XPO6: variants seen among roughly 807,000 people sequenced by gnomAD.
XPO6 encodes the protein exportin 6, also known as exportin-6.
XPO6 carries 3 observed loss-of-function variants against 130.0 expected under a neutral mutation model. The observed-to-expected ratio is 0.02, with a 90% CI of 0.01 to 0.06. XPO6 has a LOEUF of 0.06. Among genes scored for constraint, XPO6 ranks in the 10% least tolerant of loss-of-function variants. XPO6 has a pLI of 1.00. For synonymous variants in XPO6, 524 were observed against 548.9 expected (o/e 0.95, Z 0.63); for missense variants, 970 against 1,393.0 (o/e 0.70, Z 4.83).
At chr16:28,195,571 G>T (rs1004410473) in intron 1 of XPO6, among the ~76,000 whole-genome samples, 1 of 152,104 alleles carries the variant, frequency 6.6e-6, no homozygotes, top group African/African-American at 2.4e-5. Flanking sequence ...TGGTCAACAT[G>T]GTGAAACCTC....
In XPO6 at chr16:28,107,634, A is replaced by G. The variant is rs756783944; in HGVS notation, c.2385T>C (p.Ile795=). 6.2e-7 allele frequency: 1 copy of G among 1,614,196 alleles called. No individual in the cohort carries two copies. The highest frequency in any genetic ancestry group is 8.5e-7 in the Non-Finnish European group (1 of 1,180,030). The change falls in exon 18 of 24, where the codon ATT becomes ATC. Residue 795 remains isoleucine (I), a synonymous_variant. Coordinates refer to ENST00000304658, the MANE Select transcript of XPO6 (RefSeq NM_015171.4). ...TGGACTCCCCCGAGATATTCTCCAC[A>G]ATATCTTCTAAGACGCTGAGTGTCT... ...IHQTLSVLED[I]VENISGESTK... is the part of the protein sequence containing the mutation.
intron 14 of XPO6, 77 bp from the exon 15 acceptor site, chr16:28,117,539 G>A: frequency 2.0e-6 from 3 of 1,524,184 alleles, no homozygotes; most frequent in Non-Finnish European, 2.7e-6. Context: ...TTCATAGGAG[G>A]TAAGAATTGC....
Position 28,101,101 on chromosome 16 carries a change from G to A in XPO6, c.3276+357C>T, listed in dbSNP as rs143780772. On this transcript the variant is annotated intron_variant, in intron 23 of 23. Transcript: ENST00000304658. This position sits in a 1 kb window ranked among gnomAD's most constrained non-coding sequence, Gnocchi z 5.4. ...ACCATCTCAGCCTGAATGCAAGCCTGGGCACACTCCAATGCTGGCCCCACC... is the reference window on the plus strand; with the variant it reads ...ACCATCTCAGCCTGAATGCAAGCCTAGGCACACTCCAATGCTGGCCCCACC... The A allele has an allele frequency of 5.4e-6, 2 of 369,272 alleles. No individual in the cohort carries two copies. The highest frequency in any genetic ancestry group is 1.0e-5 in the Non-Finnish European group (2 of 191,384). The allele number at this position is 369,272 out of a possible 1,614,324, so 22.9% of individuals were successfully genotyped here. A position where few individuals can be genotyped will look rare whatever the true frequency, so the allele number is the denominator to read the frequency against.
chr16:28,109,071 G>A (rs776225980), intron 17 of XPO6, among the ~76,000 whole-genome samples: 4 of 152,130 alleles, frequency 2.6e-5, no homozygotes, highest in Admixed American at 1.3e-4. Flanking sequence ...CCTCAAGAAC[G>A]CACAGGCAAC....
intron 8 of XPO6, 28 bp from the exon 9 acceptor site, chr16:28,146,231 G>A: frequency 6.7e-7 from 1 of 1,484,352 alleles, no homozygotes; most frequent in South Asian, 1.1e-5. Context: ...TCCAGACAAT[G>A]AAATTATTTA....
intron 7 of XPO6, among the ~76,000 whole-genome samples, chr16:28,155,311 A>T (rs2043166000): frequency 6.6e-6 from 1 of 152,182 alleles, no homozygotes; most frequent in African/African-American, 2.4e-5. Context: ...CGTCAATCTG[A>T]TTGTTCATAA....
chr16:28,141,042 G>T (rs561469109), intron 9 of XPO6, among the ~76,000 whole-genome samples: 5 of 152,230 alleles, frequency 3.3e-5, no homozygotes, highest in Non-Finnish European at 4.4e-5. Context: ...CTAGAAAGCT[G>T]CTAGAGCTCT....
chr16:28,125,538 G>C lies in XPO6; in HGVS notation c.1766+151C>G, dbSNP rs2087376433. ...GGGACCTGAAGTTCAGAGAGGTTAA[G>C]TAATTTGTTCCCTATCAGCTTGTAT... On this transcript the variant is annotated intron_variant, in intron 13 of 23. Coordinates refer to ENST00000304658, the MANE Select transcript of XPO6 (RefSeq NM_015171.4). 8.7e-6 allele frequency: 8 copies of C among 918,554 alleles called. No homozygotes were observed. In the East Asian group the frequency reaches 2.2e-4, roughly 25 times the overall value. 56.9% of individuals were successfully genotyped at this position (918,554 alleles called of 1,614,324 possible).
chr16:28,197,559 C>T (rs1480308865), intron 1 of XPO6, among the ~76,000 whole-genome samples: 1 of 152,080 alleles, frequency 6.6e-6, no homozygotes, highest in Non-Finnish European at 1.5e-5. Context: ...TATTTATCTA[C>T]AGCTGATGGG....
At chr16:28,120,523 G>A (rs548004275) in intron 14 of XPO6, among the ~76,000 whole-genome samples, 74 of 152,220 alleles carry the variant, frequency 4.9e-4, no homozygotes, top group African/African-American at 1.7e-3. Flanking sequence ...GTCAGCCTTA[G>A]GAGTAAGAAT....
Position 28,171,057 on chromosome 16 carries a change from T to G in XPO6, c.406-1148A>C, listed in dbSNP as rs529766330. Among the ~76,000 whole-genome samples the G allele has an allele frequency of 4.0e-5, 6 of 151,410 alleles. No individual in the cohort carries two copies. In the East Asian group the frequency reaches 1.2e-3, roughly 29 times the overall value. Reference sequence around the variant, plus strand: ...CCTTAATCTTAACTTTAAATGTAGTTAATTCCCTGACACACTTTTTTTTTT... The same window carrying G: ...CCTTAATCTTAACTTTAAATGTAGTGAATTCCCTGACACACTTTTTTTTTT... On this transcript the variant is annotated intron_variant, in intron 4 of 23. Transcript: ENST00000304658.
intron 11 of XPO6, among the ~76,000 whole-genome samples, chr16:28,133,506 G>A (rs1240274584): frequency 1.3e-5 from 2 of 152,126 alleles, no homozygotes; most frequent in African/African-American, 2.4e-5. Flanking sequence ...TGCCAAGAGC[G>A]AGCTTTACAA....
At position 28,104,610 on chromosome 16, in the gene XPO6, C is replaced by G; in HGVS notation, c.2882G>C (p.Ser961Thr). 6.2e-7 allele frequency: 1 copy of G among 1,614,224 alleles called. No homozygotes were observed. The highest frequency in any genetic ancestry group is 8.5e-7 in the Non-Finnish European group (1 of 1,180,042). Residue 961 changes from serine (S) to threonine (T), a missense_variant, in exon 21 of 24, where the codon AGT (serine) becomes ACT (threonine). Physicochemically the swap from Ser to Thr is moderately conservative, Grantham distance 58. Coordinates refer to ENST00000304658, the MANE Select transcript of XPO6 (RefSeq NM_015171.4). ...RYFFKSTVLA[S>T]VQRGIAEEQM... ...CTCCTCAGCGATCCCCCTCTGGACA[C>G]TGGCCAGCACGGTGGACTTGAAGAA... is the stretch of plus-strand genomic sequence containing the variant.
chr16:28,126,019 T>C (rs753226646), intron 12 of XPO6, among the ~76,000 whole-genome samples, 171 bp from the exon 13 acceptor site: 11 of 151,744 alleles, frequency 7.2e-5, no homozygotes, highest in Non-Finnish European at 1.3e-4. Context: ...CTGGGCCCGG[T>C]ATCCACCTAA....
intron 1 of XPO6, among the ~76,000 whole-genome samples, chr16:28,203,154 A>T (rs2043977323): frequency 6.6e-6 from 1 of 152,074 alleles, no homozygotes; most frequent in Non-Finnish European, 1.5e-5. Context: ...GCATACGTAT[A>T]GTTCCAGCTA....
At chr16:28,188,671 CAAAAAAAAAAAAAAAA>C (rs144107071) in intron 1 of XPO6, among the ~76,000 whole-genome samples, 10 of 65,660 alleles carry the variant, frequency 1.5e-4, no homozygotes, top group Admixed American at 7.1e-4. Flanking sequence ...TTCACCACTG[CAAAAAAAAAAAAAAAA>C]AAAAAAAAAA....
In XPO6 at chr16:28,106,508, G is replaced by A; in HGVS notation, c.2498-11C>T. On this transcript the variant is annotated splice_polypyrimidine_tract_variant and intron_variant, in intron 18 of 23. Coordinates refer to ENST00000304658, the MANE Select transcript of XPO6 (RefSeq NM_015171.4). This position sits in a 1 kb window ranked among gnomAD's most constrained non-coding sequence, Gnocchi z 4.2. ...TCTCATCAGTCACATCTGAGGAAAG[G>A]GGCAGAGATATCGTCAGAGGCTTGC... 6.2e-7 allele frequency: 1 copy of A among 1,608,870 alleles called. No individual in the cohort carries two copies. The highest frequency in any genetic ancestry group is 8.5e-7 in the Non-Finnish European group (1 of 1,175,566).
At chr16:28,181,737 T>C (rs1446311233) in intron 1 of XPO6, among the ~76,000 whole-genome samples, 1 of 152,036 alleles carries the variant, frequency 6.6e-6, no homozygotes, top group African/African-American at 2.4e-5. Context: ...CAATTCTCAA[T>C]CTCACGTGAG....
chr16:28,208,551 C>A (rs922375625), intron 1 of XPO6, among the ~76,000 whole-genome samples: 1 of 152,142 alleles, frequency 6.6e-6, no homozygotes, highest in African/African-American at 2.4e-5. Flanking sequence ...ATGGCCACCC[C>A]CTGTGTACTT....
Sources: allele counts gnomAD v4.1 joint callset (sites outside exome capture counted in the v4.1 genomes callset), GRCh38; gene constraint gnomAD v4.1.1; non-coding constraint Gnocchi (gnomAD v3.1); transcripts MANE v1.5; gene names NCBI Gene and HGNC (gene_info 2026-07-23, HGNC 2026-07-21).